The following TSEN15 variants were observed in gnomAD, a reference collection of about 807,000 sequenced individuals.
TSEN15 encodes the protein tRNA-splicing endonuclease subunit Sen15.
Under a neutral mutation model 20.5 loss-of-function variants are expected in TSEN15, and 10 were observed. The ratio of observed to expected loss-of-function variants is 0.49; its 90% CI spans 0.30 to 0.83. The LOEUF (loss-of-function observed/expected upper bound fraction) is 0.83. Ranked by LOEUF, TSEN15 falls within the 40% of genes least tolerant of loss-of-function variation. The pLI is 0.06. For synonymous variants in TSEN15, 72 were observed against 80.1 expected, an observed-to-expected ratio of 0.90 and a Z score of 0.54; for missense variants, 180 against 218.6, an observed-to-expected ratio of 0.82 and a Z score of 1.11.
Position 184,082,970 on chromosome 1 carries a change from A to G in TSEN15, c.354-12720A>G, listed in dbSNP as rs1218365514. ...AATATATCAAAAATTATCCAGTTAC[A>G]TTCACAAACAGAAGGTGTTAATTGT... On this transcript the variant is annotated intron_variant, in intron 3 of 3. Transcript: ENST00000643231. Among the ~76,000 whole-genome samples, 5 of 152,308 alleles carry G rather than the reference A, an allele frequency of 3.3e-5. No individual in the cohort carries two copies. The East Asian group carries it at 7.7e-4, about 24-fold the overall frequency.
At chr1:184,078,294 GA>G (rs1344887544), downstream of TSEN15, among the ~76,000 whole-genome samples, 3 of 152,096 alleles carry the variant, frequency 2.0e-5, no homozygotes, top group Non-Finnish European at 4.4e-5. Context: ...TTGTTTTTTA[GA>G]CATGATGCCA....
chr1:184,060,400 A>G (rs564593642), intron 3 of TSEN15, among the ~76,000 whole-genome samples: 2 of 152,368 alleles, frequency 1.3e-5, no homozygotes, highest in Non-Finnish European at 2.9e-5. Flanking sequence ...GCAAAGCACA[A>G]TCTGCATATC....
chr1:184,075,106 T>G (rs1288922001), downstream of TSEN15, among the ~76,000 whole-genome samples: 1 of 152,174 alleles, frequency 6.6e-6, no homozygotes, highest in Non-Finnish European at 1.5e-5. Flanking sequence ...TGTTGACCAG[T>G]GGGCTCCTAT....
chr1:184,061,690 T>A (rs1296688195), intron 3 of TSEN15, among the ~76,000 whole-genome samples: 1 of 152,180 alleles, frequency 6.6e-6, no homozygotes, highest in Non-Finnish European at 1.5e-5. Context: ...GTATATGTAT[T>A]TTCTGCCTCC....
At chr1:184,081,420 C>T (rs1447885909) in intron 3 of TSEN15, among the ~76,000 whole-genome samples, 1 of 152,172 alleles carries the variant, frequency 6.6e-6, no homozygotes, top group Non-Finnish European at 1.5e-5. Flanking sequence ...TGCAGTGTTG[C>T]TTACTGCAAT....
At chr1:184,059,844 T>G (rs757070047) in intron 3 of TSEN15, among the ~76,000 whole-genome samples, 14 of 152,240 alleles carry the variant, frequency 9.2e-5, no homozygotes, top group Non-Finnish European at 1.8e-4. Flanking sequence ...ATTCTGGCAT[T>G]ACAGGTGTGA....
At chr1:184,068,021 C>A (rs1454428820) in intron 3 of TSEN15, among the ~76,000 whole-genome samples, 1 of 144,640 alleles carries the variant, frequency 6.9e-6, no homozygotes, top group African/African-American at 2.6e-5. Context: ...GATTTATCAC[C>A]ATTTTCCACG....
intron 3 of TSEN15, among the ~76,000 whole-genome samples, chr1:184,092,062 G>A (rs528690256): frequency 8.2e-4 from 125 of 152,292 alleles, no homozygotes; most frequent in Middle Eastern, 6.8e-3. Context: ...ATCTGTTGCT[G>A]GTGATTATTT....
At chr1:184,075,910 A>ATATAT (rs760409158), downstream of TSEN15, among the ~76,000 whole-genome samples, 17 of 123,734 alleles carry the variant, frequency 1.4e-4, no homozygotes, top group African/African-American at 4.5e-4. Flanking sequence ...ATATATATAT[A>ATATAT]TTTTTTTTTT....
intron 3 of TSEN15, among the ~76,000 whole-genome samples, chr1:184,084,756 C>A (rs1379416840): frequency 6.6e-6 from 1 of 151,830 alleles, no homozygotes; most frequent in African/African-American, 2.4e-5. Flanking sequence ...ATAATGGCAC[C>A]AATCCTGCCC....
chr1:184,075,448 G>T (rs561307260), downstream of TSEN15, among the ~76,000 whole-genome samples: 6 of 149,572 alleles, frequency 4.0e-5, no homozygotes, highest in East Asian at 9.7e-4. Context: ...AACAAGAAAT[G>T]TATTTTTTAA....
At chr1:184,069,542 G>A (rs1204635531) in intron 3 of TSEN15, among the ~76,000 whole-genome samples, 1 of 152,088 alleles carries the variant, frequency 6.6e-6, no homozygotes, top group Non-Finnish European at 1.5e-5. Context: ...CCATAAGCTT[G>A]TTAGAAATTA....
chr1:184,060,103 CAA>C (rs1469783003), intron 3 of TSEN15, among the ~76,000 whole-genome samples: 13 of 152,148 alleles, frequency 8.5e-5, no homozygotes, highest in Non-Finnish European at 1.5e-4. Context: ...CTCAAATGCT[CAA>C]ATATGTTTGT....
intron 3 of TSEN15, among the ~76,000 whole-genome samples, chr1:184,082,275 T>C (rs1045893249): frequency 6.6e-6 from 1 of 152,158 alleles, no homozygotes; most frequent in South Asian, 2.1e-4. Flanking sequence ...CTGAGGTCCA[T>C]CTGGGTCTCT....
chr1:184,054,581 TA>T, intron 2 of TSEN15, 146 bp downstream of exon 2: 1 of 1,164,306 alleles, frequency 8.6e-7, no homozygotes, highest in South Asian at 1.5e-5. Flanking sequence ...CATTGGGAAT[TA>T]CTGAGTAACA....
intron 3 of TSEN15, among the ~76,000 whole-genome samples, chr1:184,083,996 T>C (rs1572721186): frequency 2.0e-5 from 3 of 152,134 alleles, no homozygotes; most frequent in African/African-American, 7.2e-5. Context: ...ATTGTGCTCC[T>C]TTGAATTTTT....
intron 3 of TSEN15, among the ~76,000 whole-genome samples, chr1:184,067,682 C>T (rs1650718696): frequency 6.6e-6 from 1 of 151,950 alleles, no homozygotes; most frequent in Non-Finnish European, 1.5e-5. Flanking sequence ...CTTTGGGAGG[C>T]TGAGGTGGGC....
At chr1:184,092,272 A>G (rs994204786) in intron 3 of TSEN15, among the ~76,000 whole-genome samples, 1 of 152,234 alleles carries the variant, frequency 6.6e-6, no homozygotes, top group South Asian at 2.1e-4. Flanking sequence ...TTCTCAACCC[A>G]TAGAAGGTAT....
At chr1:184,058,655 A>C (rs1200397260) in intron 3 of TSEN15, among the ~76,000 whole-genome samples, 3 of 152,168 alleles carry the variant, frequency 2.0e-5, no homozygotes, top group Non-Finnish European at 4.4e-5. Flanking sequence ...AACACAGAGA[A>C]GAAAATGATT....
Sources: gnomAD v4.1 joint callset for allele counts (sites outside exome capture counted in the v4.1 genomes callset) on GRCh38, gnomAD v4.1.1 for gene constraint, MANE v1.5 for transcripts, NCBI Gene and HGNC (gene_info 2026-07-23, HGNC 2026-07-21) for gene names.